Variants in KLF16 observed in about 807,000 individuals in gnomAD.
The protein encoded by KLF16 is Krueppel-like factor 16.
Under a neutral mutation model 6.1 loss-of-function variants are expected in KLF16, and 6 were observed. The ratio of observed to expected loss-of-function variants is 0.98; its 90% CI spans 0.54 to 1.93. The LOEUF is 1.93. KLF16 is among the 30% of genes most tolerant of loss of function. The pLI, the probability that KLF16 is intolerant of heterozygous loss-of-function variation, is 0.01. For synonymous variants in KLF16, 211 were observed against 176.5 expected (o/e 1.20, Z -1.55); for missense variants, 355 against 363.8 (o/e 0.98, Z 0.20).
chr19:1,864,158 G>T (rs1274477838), upstream of KLF16, among the ~76,000 whole-genome samples: 4 of 150,418 alleles, frequency 2.7e-5, no homozygotes, highest in South Asian at 4.2e-4. Context: ...CCCCTCCCCG[G>T]ATGCTTCCCT....
the KLF16 span, among the ~76,000 whole-genome samples, chr19:1,869,574 C>G: frequency 6.6e-6 from 1 of 152,208 alleles, no homozygotes; most frequent in South Asian, 2.1e-4. Flanking sequence ...CCGTGCAGCT[C>G]TTCTGTAGAC....
rs1054972 is a variant in KLF16, at chr19:1,852,583, A to G, written c.*1876T>C. 0.29 allele frequency: 44,225 copies of G among 151,826 alleles called. 7,053 individuals are homozygous for G. Among genetic ancestry groups the G allele is most frequent in the East Asian group, 0.42 (2,158 of 5,124 alleles). The allele number at this position is 151,826 out of a possible 1,614,324, so 9.4% of individuals were successfully genotyped here. On this transcript the variant is annotated 3_prime_UTR_variant, in exon 2 of 2. Transcript: ENST00000250916. ...TGGAGGGGTGGGCGCAGGTCTCTCC[A>G]AGCCCCTGGACACTGGAGAGGGGCC...
At position 1,854,560 on chromosome 19, in the gene KLF16, G is replaced by A; in HGVS notation, c.658C>T (p.Pro220Ser). The A allele has an allele frequency of 6.4e-7, 1 of 1,572,568 alleles. No homozygotes were observed. Among genetic ancestry groups the A allele is most frequent in the Non-Finnish European group, 8.6e-7 (1 of 1,167,142 alleles). The change falls in exon 2 of 2, where the codon CCT (proline) becomes TCT (serine). Residue 220 changes from proline (P) to serine (S), a missense_variant. Pro to Ser is a moderately conservative substitution (Grantham distance 74, BLOSUM62 -1). Transcript: ENST00000250916. ...PGFHPDLLRR[P>S]GARSTSPSDS... is the part of the protein sequence containing the mutation. ...CTGGGGGAGGTACTGCGGGCACCAGGGCGCCGGAGCAGGTCCGGGTGGAAG... is the reference window on the plus strand; with the variant it reads ...CTGGGGGAGGTACTGCGGGCACCAGAGCGCCGGAGCAGGTCCGGGTGGAAG...
chr19:1,861,203 T>C (rs550389843), intron 1 of KLF16, among the ~76,000 whole-genome samples: 18 of 152,280 alleles, frequency 1.2e-4, no homozygotes, highest in African/African-American at 4.3e-4. Context: ...GAAGCGCCTC[T>C]TGGGTGCCAC....
At chr19:1,876,285 A>C in the KLF16 span, 4 of 152,422 alleles carry the variant, frequency 2.6e-5, no homozygotes, top group Non-Finnish European at 4.4e-5. Flanking sequence ...CGCGGACTAG[A>C]GCTAGCTGGA....
the KLF16 span, among the ~76,000 whole-genome samples, chr19:1,870,502 T>C: frequency 6.6e-6 from 1 of 152,014 alleles, no homozygotes; most frequent in South Asian, 2.1e-4. Context: ...CAAGACTGCA[T>C]TTCTACACAA....
chr19:1,863,068 G>C lies in KLF16; in HGVS notation c.430C>G (p.Leu144Val). The C allele has an allele frequency of 7.1e-7, 1 of 1,414,082 alleles. No individual in the cohort carries two copies. The highest frequency in any genetic ancestry group is 1.3e-5 in the South Asian group (1 of 77,480). 87.6% of individuals were successfully genotyped at this position (1,414,082 alleles called of 1,614,324 possible). Residue 144 changes from leucine to valine, a missense_variant, in exon 1 of 2, where the codon CTA becomes GTA. Coordinates refer to ENST00000250916, the MANE Select transcript of KLF16 (RefSeq NM_031918.4). The stretch of plus-strand genomic sequence containing the variant: ...GTGTGCGTCCGCAGGTGCGACTTTA[G>C]GTGCGAGGACTTGTAGTAGGCTTTG... ...CAKAYYKSSHLKSHLRTHTGE... is the reference protein window; with the variant it reads ...CAKAYYKSSHVKSHLRTHTGE...
upstream of KLF16, among the ~76,000 whole-genome samples, chr19:1,863,852 C>T (rs1216362750): frequency 4.4e-4 from 65 of 146,534 alleles, 2 homozygotes; most frequent in Non-Finnish European, 1.5e-5. Flanking sequence ...CCGGCCTCCG[C>T]CAGCGCCTAG....
chr19:1,866,529 G>A (rs1013304203), upstream of KLF16, among the ~76,000 whole-genome samples: 16 of 152,130 alleles, frequency 1.1e-4, no homozygotes, highest in African/African-American at 3.6e-4. Flanking sequence ...TAGGAGAATC[G>A]CTTGAACCCA....
At chr19:1,871,088 G>A in the KLF16 span, among the ~76,000 whole-genome samples, 1 of 152,246 alleles carries the variant, frequency 6.6e-6, no homozygotes, top group African/African-American at 2.4e-5. Context: ...ATGGACCCCA[G>A]TATCAGCGGC....
At chr19:1,875,096 T>C in the KLF16 span, 1 of 152,302 alleles carries the variant, frequency 6.6e-6, no homozygotes, top group Non-Finnish European at 1.5e-5. Context: ...CCCCCTCTTA[T>C]GCTGGTGGGG....
rs1191391086 is a variant in KLF16 at position 1,854,129 on chromosome 19, C to T, written c.*330G>A. ...AGAAGTCCACTCCACCCCCCCAAAC[C>T]CCACCCCGGGAGGGGGGCAGCAGGG... On this transcript the variant is annotated 3_prime_UTR_variant, in exon 2 of 2. Transcript: ENST00000250916. The T allele has an allele frequency of 3.5e-6, 1 of 286,230 alleles. No homozygotes were observed. The highest frequency in any genetic ancestry group is 6.4e-6 in the Non-Finnish European group (1 of 155,630). 17.7% of individuals were successfully genotyped at this position (286,230 alleles called of 1,614,324 possible).
intron 1 of KLF16, 32 bp from the exon 2 acceptor site, chr19:1,854,792 CAGCGGG>C: frequency 6.3e-7 from 1 of 1,593,652 alleles, no homozygotes; most frequent in East Asian, 2.2e-5. Context: ...GACAGCGGGT[CAGCGGG>C]GGCGGGGGGA....
the KLF16 span, chr19:1,874,746 CAAAAAAAAA>C: frequency 1.1e-3 from 46 of 41,996 alleles, no homozygotes; most frequent in Admixed American, 3.5e-3. Flanking sequence ...GTCAGAGTCC[CAAAAAAAAA>C]AAAAAAAAAA....
At chr19:1,858,632 A>C (rs1477345349) in intron 1 of KLF16, among the ~76,000 whole-genome samples, 1 of 152,108 alleles carries the variant, frequency 6.6e-6, no homozygotes, top group South Asian at 2.1e-4. Context: ...GCAAGGGCAG[A>C]TAATGTTTGC....
Position 1,854,268 on chromosome 19 carries a change from TC to T in KLF16, c.*190del. ...TACAGACACAAGCCCCCGTCACCCA[TC>T]CTGAGAGCCACCTCTGAGGTCAGGC... On this transcript the variant is annotated 3_prime_UTR_variant, in exon 2 of 2. Coordinates refer to ENST00000250916, the MANE Select transcript of KLF16 (RefSeq NM_031918.4). 1.7e-6 allele frequency: 1 copy of T among 588,884 alleles called. No homozygotes were observed. Among genetic ancestry groups the T allele is most frequent in the South Asian group, 3.9e-5 (1 of 25,646 alleles). The allele number at this position is 588,884 out of a possible 1,614,324, so 36.5% of individuals were successfully genotyped here.
the KLF16 span, among the ~76,000 whole-genome samples, chr19:1,874,228 G>GA: frequency 5.3e-5 from 8 of 152,098 alleles, no homozygotes; most frequent in South Asian, 2.1e-4. Context: ...CTGTTCAGGA[G>GA]AAAAAAGAAA....
At position 1,852,981 on chromosome 19, in the gene KLF16, A is replaced by C. The variant is rs1017243958; in HGVS notation, c.*1478T>G. 1.3e-5 allele frequency: 2 copies of C among 152,272 alleles called. No individual in the cohort carries two copies. Among genetic ancestry groups the C allele is most frequent in the African/African-American group, 4.8e-5 (2 of 41,434 alleles). 9.4% of individuals were successfully genotyped at this position (152,272 alleles called of 1,614,324 possible). A position where few individuals can be genotyped will look rare whatever the true frequency, so the allele number is the denominator to read the frequency against. ...GCGAGAGGCAGGACGGTTCTGGAACAAAAGGGGGTACCAAAAACCTCCTGC... is the reference window on the plus strand; with the variant it reads ...GCGAGAGGCAGGACGGTTCTGGAACCAAAGGGGGTACCAAAAACCTCCTGC... On this transcript the variant is annotated 3_prime_UTR_variant, in exon 2 of 2. Transcript: ENST00000250916.
At chr19:1,864,423 G>A (rs1391292807), upstream of KLF16, among the ~76,000 whole-genome samples, 3 of 151,026 alleles carry the variant, frequency 2.0e-5, no homozygotes, top group African/African-American at 7.3e-5. Flanking sequence ...TCCCGCGCCC[G>A]CGGCGGGGCC....
Sources: allele counts gnomAD v4.1 joint callset (sites outside exome capture counted in the v4.1 genomes callset), GRCh38; gene constraint gnomAD v4.1.1; transcripts MANE v1.5; gene names NCBI Gene and HGNC (gene_info 2026-07-23, HGNC 2026-07-21).